The following TENM3 variants were observed in gnomAD, a reference collection of about 807,000 sequenced individuals.
TENM3 encodes the protein teneurin transmembrane protein 3, also known as teneurin-3.
In TENM3, 63 loss-of-function variants were observed where a neutral mutation model predicts 255.1. The observed-to-expected ratio is 0.25, with a 90% CI of 0.20 to 0.30. The LOEUF (loss-of-function observed/expected upper bound fraction) is 0.30. TENM3 is among the 10% of genes least tolerant of loss of function. The pLI, the probability that TENM3 is intolerant of heterozygous loss-of-function variation, is 1.00. For synonymous variants in TENM3, 1,306 were observed against 1,322.3 expected, an observed-to-expected ratio of 0.99 and a Z score of 0.27; for missense variants, 2,929 against 3,461.1, an observed-to-expected ratio of 0.85 and a Z score of 3.86.
chr4:181,896,482 T>G, the TENM3 span, among the ~76,000 whole-genome samples: 1 of 152,216 alleles, frequency 6.6e-6, no homozygotes, highest in African/African-American at 2.4e-5. Flanking sequence ...TGGTATTTTG[T>G]AATTAAAATT....
At chr4:182,710,571 CAGATGTATCA>C (rs1758677565) in intron 12 of TENM3, among the ~76,000 whole-genome samples, 1 of 152,194 alleles carries the variant, frequency 6.6e-6, no homozygotes, top group African/African-American at 2.4e-5. Flanking sequence ...ATACACAGTA[CAGATGTATCA>C]AAACCATGTA....
At chr4:182,427,693 C>G (rs1580502648) in intron 3 of TENM3, among the ~76,000 whole-genome samples, 1 of 151,924 alleles carries the variant, frequency 6.6e-6, no homozygotes, top group South Asian at 2.1e-4. Flanking sequence ...GTACACAAAA[C>G]AGACTGGATT....
chr4:181,799,230 G>A, the TENM3 span, among the ~76,000 whole-genome samples: 14 of 152,202 alleles, frequency 9.2e-5, no homozygotes, highest in Non-Finnish European at 1.9e-4. Context: ...TTAATAAAGC[G>A]AGTGATAGCC....
At chr4:182,650,152 A>G (rs1162221148) in intron 5 of TENM3, among the ~76,000 whole-genome samples, 1 of 150,558 alleles carries the variant, frequency 6.6e-6, no homozygotes. Context: ...GTGTTTGTTC[A>G]ATGACTGGTT....
chr4:181,889,213 G>A, the TENM3 span, among the ~76,000 whole-genome samples: 13 of 152,210 alleles, frequency 8.5e-5, no homozygotes, highest in South Asian at 2.7e-3. Flanking sequence ...CCCTCATGAG[G>A]GGCTTAGCAC....
chr4:182,681,929 C>G lies in TENM3; in HGVS notation c.1950C>G (p.Asp650Glu). The G allele has an allele frequency of 6.2e-7, 1 of 1,613,996 alleles. No homozygotes were observed. The highest frequency in any genetic ancestry group is 8.5e-7 in the Non-Finnish European group (1 of 1,179,874). ...AAATACTGAAGACCATGTGTCCAGA[C>G]CAGTGCTCCGGCCACGGAACGTATC... ...NCEILKTMCP[D>E]QCSGHGTYLQ... The change falls in exon 11 of 28, where the codon GAC (aspartate) becomes GAG (glutamate). Residue 650 changes from aspartate (D) to glutamate (E), a missense_variant. Asp to Glu is a conservative substitution (Grantham distance 45, BLOSUM62 2). Around this residue, in one of 6 missense-constraint regions of TENM3, gnomAD observed 1,608 missense variants for 1,884.4 expected, o/e 0.85. Transcript: ENST00000511685.
chr4:181,981,883 G>C, the TENM3 span, among the ~76,000 whole-genome samples: 2 of 152,168 alleles, frequency 1.3e-5, no homozygotes, highest in African/African-American at 4.8e-5. Context: ...GATGTGATGA[G>C]TTGATCCACA....
the TENM3 span, among the ~76,000 whole-genome samples, chr4:181,690,242 A>G: frequency 7.7e-6 from 1 of 129,128 alleles, no homozygotes; most frequent in South Asian, 2.5e-4. Context: ...GTGAGCGTGC[A>G]CACACACACA....
At chr4:182,432,375 C>T (rs1771725561) in intron 3 of TENM3, among the ~76,000 whole-genome samples, 1 of 152,182 alleles carries the variant, frequency 6.6e-6, no homozygotes, top group Admixed American at 6.5e-5. Context: ...GAAGTCTTTA[C>T]ATTGGATTGT....
chr4:182,137,871 C>A, the TENM3 span, among the ~76,000 whole-genome samples: 1 of 152,102 alleles, frequency 6.6e-6, no homozygotes, highest in Non-Finnish European at 1.5e-5. Context: ...ATTTGATATT[C>A]AGAAATAGGG....
At chr4:181,665,636 T>C in the TENM3 span, among the ~76,000 whole-genome samples, 51,626 of 151,250 alleles carry the variant, frequency 0.34, 8,929 homozygotes, top group Non-Finnish European at 0.36. Context: ...TACACACACA[T>C]ACACACACAT....
chr4:181,807,351 C>T, the TENM3 span, among the ~76,000 whole-genome samples: 38 of 152,286 alleles, frequency 2.5e-4, no homozygotes, highest in East Asian at 1.2e-3. Flanking sequence ...ACCAATCCTT[C>T]GAACACTTTT....
chr4:182,030,079 GTA>G, the TENM3 span, among the ~76,000 whole-genome samples: 2 of 135,160 alleles, frequency 1.5e-5, no homozygotes, highest in East Asian at 4.4e-4. Flanking sequence ...TGTTGTTGTT[GTA>G]TTTTACTTCA....
chr4:182,771,295 T>G (rs1479507125), intron 22 of TENM3, among the ~76,000 whole-genome samples: 1 of 152,108 alleles, frequency 6.6e-6, no homozygotes, highest in Non-Finnish European at 1.5e-5. Flanking sequence ...CAGAGGAGAA[T>G]GAATCAGCAA....
At chr4:182,566,565 A>T (rs1743811224) in intron 3 of TENM3, among the ~76,000 whole-genome samples, 1 of 152,208 alleles carries the variant, frequency 6.6e-6, no homozygotes, top group Non-Finnish European at 1.5e-5. Flanking sequence ...GAATTATGCC[A>T]GTGTTGTGTT....
chr4:181,672,116 C>A, the TENM3 span, among the ~76,000 whole-genome samples: 138 of 152,246 alleles, frequency 9.1e-4, no homozygotes, highest in African/African-American at 3.2e-3. Flanking sequence ...TATGTACTAT[C>A]ATGATAAAAA....
At chr4:182,077,307 T>C in the TENM3 span, among the ~76,000 whole-genome samples, 4 of 152,208 alleles carry the variant, frequency 2.6e-5, no homozygotes, top group Admixed American at 1.3e-4. Flanking sequence ...CCATATCTAA[T>C]TTTTCTTGGG....
In TENM3 at chr4:182,747,548, A is replaced by G. The variant is rs368226232; in HGVS notation, c.3629+4129A>G. Among the ~76,000 whole-genome samples the G allele has an allele frequency of 4.6e-5, 7 of 152,258 alleles. No individual in the cohort carries two copies. The East Asian group carries it at 5.8e-4, about 13-fold the overall frequency. On this transcript the variant is annotated intron_variant, in intron 19 of 27. Transcript: ENST00000511685. ...GTTTATAGTATTAGTTTGCTAAGGA[A>G]CCCCTTTAATATGTAGTAAGTTTTA... is the stretch of plus-strand genomic sequence containing the variant.
intron 3 of TENM3, among the ~76,000 whole-genome samples, chr4:182,484,155 G>A (rs558852057): frequency 5.9e-5 from 9 of 152,202 alleles, no homozygotes; most frequent in Middle Eastern, 3.4e-3. Flanking sequence ...CAAGTGCCAG[G>A]TACTGTTCTA....
Sources: allele counts gnomAD v4.1 joint callset (sites outside exome capture counted in the v4.1 genomes callset), GRCh38; gene constraint gnomAD v4.1.1; regional missense constraint gnomAD v4.1.1; transcripts MANE v1.5; gene names NCBI Gene and HGNC (gene_info 2026-07-23, HGNC 2026-07-21).